The following ZDHHC3 variants were observed in gnomAD, a reference collection of about 807,000 sequenced individuals.
ZDHHC3 encodes the protein palmitoyltransferase ZDHHC3.
ZDHHC3 carries 9 observed loss-of-function variants against 30.6 expected under a neutral mutation model. That is an observed-to-expected ratio of 0.29 (90% CI 0.18 to 0.51). The LOEUF is 0.51. Ranked by LOEUF, ZDHHC3 falls within the 20% of genes least tolerant of loss-of-function variation. The pLI is 0.97. For synonymous variants in ZDHHC3, 136 were observed against 140.2 expected (o/e 0.97, Z 0.21); for missense variants, 246 against 384.2 (o/e 0.64, Z 3.01).
Position 44,959,211 on chromosome 3 carries a change from T to C in ZDHHC3, c.226A>G (p.Ser76Gly). ...TTGAACACAATTCCGTTGATGATGCTATACACGTAGTCTCGAGATGGAATC... is the reference window on the plus strand; with the variant it reads ...TTGAACACAATTCCGTTGATGATGCCATACACGTAGTCTCGAGATGGAATC... Reference protein sequence around the residue: ...MLIPSRDYVYSIINGIVFNLL... With the variant: ...MLIPSRDYVYGIINGIVFNLL... Residue 76 changes from serine to glycine, a missense_variant, in exon 2 of 7, where the codon AGC becomes GGC. Transcript: ENST00000424952. The surrounding 1 kb of genome is among the most constrained non-coding windows in gnomAD (Gnocchi z 4.3). 1 of 1,614,224 alleles carries C rather than the reference T, an allele frequency of 6.2e-7. No homozygotes were observed. The highest frequency in any genetic ancestry group is 1.1e-5 in the South Asian group (1 of 91,086).
At chr3:44,935,515 G>A (rs1701882094) in intron 3 of ZDHHC3, among the ~76,000 whole-genome samples, 1 of 152,194 alleles carries the variant, frequency 6.6e-6, no homozygotes, top group South Asian at 2.1e-4. Context: ...ACCTGCTTTG[G>A]CCTCCCAAAG....
chr3:44,937,575 A>ATTTTTT (rs1559674619), intron 3 of ZDHHC3: 2 of 112,904 alleles, frequency 1.8e-5, no homozygotes, highest in African/African-American at 5.9e-5. Context: ...TTTTTTTTTA[A>ATTTTTT]AAAAAAAAGC....
chr3:44,932,799 C>T, intron 5 of ZDHHC3: 1 of 991,030 alleles, frequency 1.0e-6, no homozygotes, highest in South Asian at 1.4e-5. Context: ...ACTTCTCTCC[C>T]AGCATGGCTC....
rs994300730 is a variant in ZDHHC3 at position 44,921,723 on chromosome 3, G to A, written c.*4966C>T. The A allele has an allele frequency of 7.3e-6, 7 of 959,948 alleles. No individual in the cohort carries two copies. In the African/African-American group the frequency reaches 1.2e-4, roughly 17 times the overall value. The allele number at this position is 959,948 out of a possible 1,614,324, so 59.5% of individuals were successfully genotyped here. The stretch of plus-strand genomic sequence containing the variant: ...ATTCCCGTTTTCAGATGAAAAAACT[G>A]AGGCTTAAAGAAGTTACTGCTCAAG... On this transcript the variant is annotated 3_prime_UTR_variant, in exon 7 of 7. Transcript: ENST00000424952.
At position 44,934,050 on chromosome 3, in the gene ZDHHC3, G is replaced by A. The variant is rs549258193; in HGVS notation, c.432-66C>T. On this transcript the variant is annotated intron_variant, in intron 3 of 6. Coordinates refer to ENST00000424952, the MANE Select transcript of ZDHHC3 (RefSeq NM_001135179.2). ...GGTGTTGGGAGGGCCCCGGGGGAAC[G>A]CAGAACCCATGGCTCCTGCTCCACT... is the stretch of plus-strand genomic sequence containing the variant. 18 of 1,478,810 alleles carry A rather than the reference G, an allele frequency of 1.2e-5. 1 individual carries two copies. In the East Asian group the frequency reaches 1.6e-4, roughly 13 times the overall value. 91.6% of individuals were successfully genotyped at this position (1,478,810 alleles called of 1,614,324 possible).
At position 44,975,764 on chromosome 3, in the gene ZDHHC3, T is replaced by TCA. The variant is rs1335553619; in HGVS notation, c.-25+168_-25+169insTG. Among the ~76,000 whole-genome samples the TCA allele has an allele frequency of 1.4e-3, 206 of 144,090 alleles. 3 individuals carry two copies. Among genetic ancestry groups the TCA allele is most frequent in the African/African-American group, 5.4e-3 (193 of 35,674 alleles). 94.5% of individuals were successfully genotyped at this position (144,090 alleles called of 152,430 possible). On this transcript the variant is annotated intron_variant, in intron 1 of 6. Transcript: ENST00000424952. Reference sequence around the variant, plus strand: ...TAGTCGGGGTCTCTCTCTCTCTCTCTCTCTCTCTCACACACACACACACAC... The same window carrying TCA: ...TAGTCGGGGTCTCTCTCTCTCTCTCTCACTCTCTCTCACACACACACACACAC...
In ZDHHC3 at chr3:44,923,847, G is replaced by A. The variant is rs1700785181; in HGVS notation, c.*2842C>T. ...CAGTATGAAGAAGACAAAATGGTGG[G>A]ACTAAAAGGAGATTTAGCACATGCA... On this transcript the variant is annotated 3_prime_UTR_variant, in exon 7 of 7. Coordinates refer to ENST00000424952, the MANE Select transcript of ZDHHC3 (RefSeq NM_001135179.2). The A allele has an allele frequency of 2.0e-6, 2 of 985,260 alleles. No individual in the cohort carries two copies. Among genetic ancestry groups the A allele is most frequent in the Middle Eastern group, 5.2e-4 (1 of 1,936 alleles). The allele number at this position is 985,260 out of a possible 1,614,324, so 61.0% of individuals were successfully genotyped here. A position where few individuals can be genotyped will look rare whatever the true frequency, so the allele number is the denominator to read the frequency against.
chr3:44,960,042 C>T (rs1313773209), intron 1 of ZDHHC3, among the ~76,000 whole-genome samples: 2 of 152,178 alleles, frequency 1.3e-5, no homozygotes, highest in African/African-American at 2.4e-5. Context: ...GGATTATAGG[C>T]GTGAGCCACG....
intron 3 of ZDHHC3, among the ~76,000 whole-genome samples, chr3:44,943,905 T>C (rs1293348172): frequency 6.6e-6 from 1 of 152,096 alleles, no homozygotes. Flanking sequence ...GGAGGATTGC[T>C]TGAGCCTGGG....
At position 44,920,874 on chromosome 3, in the gene ZDHHC3, G is replaced by T. The variant is rs562071471; in HGVS notation, c.*5815C>A. ...AGTCGACAAACTTTCAGGGAGTGTTGACTTTTGAGTCTAGAAAGAAAATAT... is the reference window on the plus strand; with the variant it reads ...AGTCGACAAACTTTCAGGGAGTGTTTACTTTTGAGTCTAGAAAGAAAATAT... On this transcript the variant is annotated 3_prime_UTR_variant, in exon 7 of 7. Coordinates refer to ENST00000424952, the MANE Select transcript of ZDHHC3 (RefSeq NM_001135179.2). 1.0e-5 allele frequency: 10 copies of T among 985,428 alleles called. No homozygotes were observed. In the African/African-American group the frequency reaches 1.6e-4, roughly 15 times the overall value. 61.0% of individuals were successfully genotyped at this position (985,428 alleles called of 1,614,324 possible). A position where few individuals can be genotyped will look rare whatever the true frequency, so the allele number is the denominator to read the frequency against.
At position 44,921,558 on chromosome 3, in the gene ZDHHC3, T is replaced by A; in HGVS notation, c.*5131A>T. On this transcript the variant is annotated 3_prime_UTR_variant, in exon 7 of 7. Coordinates refer to ENST00000424952, the MANE Select transcript of ZDHHC3 (RefSeq NM_001135179.2). ...TGAAAAACATGCTGGTTGCAAACCA[T>A]GAATGGCTGTGACCAATGGTTTGAA... The A allele has an allele frequency of 1.0e-6, 1 of 985,434 alleles. No homozygotes were observed. The highest frequency in any genetic ancestry group is 1.2e-6 in the Non-Finnish European group (1 of 829,938). 61.0% of individuals were successfully genotyped at this position (985,434 alleles called of 1,614,324 possible).
Position 44,924,712 on chromosome 3 carries a change from C to T in ZDHHC3, c.*1977G>A. ...CCTAGGGGAGGGCCAGAGCTGTAGC[C>T]CTGCTCTAGTTATTTAATACAATAA... On this transcript the variant is annotated 3_prime_UTR_variant, in exon 7 of 7. Transcript: ENST00000424952. 1 of 985,392 alleles carries T rather than the reference C, an allele frequency of 1.0e-6. No homozygotes were observed. Among genetic ancestry groups the T allele is most frequent in the Non-Finnish European group, 1.2e-6 (1 of 829,934 alleles). 61.0% of individuals were successfully genotyped at this position (985,392 alleles called of 1,614,324 possible).
chr3:44,949,065 ACT>A (rs1409997721), intron 2 of ZDHHC3, among the ~76,000 whole-genome samples: 2 of 151,878 alleles, frequency 1.3e-5, no homozygotes, highest in Non-Finnish European at 2.9e-5. Context: ...TACTCTTTCA[ACT>A]CTCTAAAGCA....
Position 44,926,627 on chromosome 3 carries a change from G to A in ZDHHC3, c.*62C>T, listed in dbSNP as rs1438855796. 19 of 1,422,288 alleles carry A rather than the reference G, an allele frequency of 1.3e-5. No individual in the cohort carries two copies. Among genetic ancestry groups the A allele is most frequent in the Admixed American group, 2.8e-5 (1 of 36,326 alleles). 88.1% of individuals were successfully genotyped at this position (1,422,288 alleles called of 1,614,324 possible). A position where few individuals can be genotyped will look rare whatever the true frequency, so the allele number is the denominator to read the frequency against. ...TTTCGATTTAAACATTCATGAGAAC[G>A]GATGGGACGGTAGTGCTGTGGTGTG... On this transcript the variant is annotated 3_prime_UTR_variant, in exon 7 of 7. Coordinates refer to ENST00000424952, the MANE Select transcript of ZDHHC3 (RefSeq NM_001135179.2).
At position 44,922,946 on chromosome 3, in the gene ZDHHC3, T is replaced by G. The variant is rs757492428; in HGVS notation, c.*3743A>C. On this transcript the variant is annotated 3_prime_UTR_variant, in exon 7 of 7. Transcript: ENST00000424952. ...TTCCCCTCTACTGGCTGGCTCACCC[T>G]TTAAGCTGATGCACTGCAAGTCTTG... 1.0e-6 allele frequency: 1 copy of G among 985,380 alleles called. No individual in the cohort carries two copies. Among genetic ancestry groups the G allele is most frequent in the Non-Finnish European group, 1.2e-6 (1 of 829,924 alleles). The allele number at this position is 985,380 out of a possible 1,614,324, so 61.0% of individuals were successfully genotyped here. A position where few individuals can be genotyped will look rare whatever the true frequency, so the allele number is the denominator to read the frequency against.
At position 44,959,115 on chromosome 3, in the gene ZDHHC3, GC is replaced by G. The variant is rs1559710826; in HGVS notation, c.306+15del. ...GGAGAGTGTGGGCTGGTCAAAACAA[GC>G]CCAGACATACTCACGGGGTCCGTCA... On this transcript the variant is annotated intron_variant, in intron 2 of 6. Coordinates refer to ENST00000424952, the MANE Select transcript of ZDHHC3 (RefSeq NM_001135179.2). The surrounding 1 kb of genome is among the most constrained non-coding windows in gnomAD (Gnocchi z 4.3). 6.2e-7 allele frequency: 1 copy of G among 1,613,578 alleles called. No homozygotes were observed. The highest frequency in any genetic ancestry group is 1.3e-5 in the African/African-American group (1 of 75,056).
intron 2 of ZDHHC3, among the ~76,000 whole-genome samples, chr3:44,953,121 T>C (rs530652033): frequency 2.6e-5 from 4 of 152,340 alleles, no homozygotes; most frequent in African/African-American, 9.6e-5. Context: ...GAGGTAGAGA[T>C]TGTGGTATTC....
At chr3:44,934,893 C>CAAAAAAAAA (rs886501187) in intron 3 of ZDHHC3, among the ~76,000 whole-genome samples, 4 of 60,064 alleles carry the variant, frequency 6.7e-5, no homozygotes, top group Non-Finnish European at 1.3e-4. Flanking sequence ...ACTCTGTCTC[C>CAAAAAAAAA]AAAAAAAAAA....
chr3:44,929,494 C>G, intron 5 of ZDHHC3, 58 bp from the exon 6 acceptor site: 3 of 1,598,544 alleles, frequency 1.9e-6, no homozygotes, highest in Non-Finnish European at 2.6e-6. Context: ...GCTGCCCAGG[C>G]TCACTGCCCC....
Sources: allele counts gnomAD v4.1 joint callset (sites outside exome capture counted in the v4.1 genomes callset), GRCh38; gene constraint gnomAD v4.1.1; non-coding constraint Gnocchi (gnomAD v3.1); transcripts MANE v1.5; gene names NCBI Gene and HGNC (gene_info 2026-07-23, HGNC 2026-07-21).